The following SH3KBP1 variants were observed in gnomAD, a reference collection of about 807,000 sequenced individuals.
The protein encoded by SH3KBP1 is SH3 domain containing kinase binding protein 1, also known as SH3 domain-containing kinase-binding protein 1.
SH3KBP1 carries 8 observed loss-of-function variants against 50.1 expected under a neutral mutation model. The ratio of observed to expected loss-of-function variants is 0.16; its 90% confidence interval spans 0.09 to 0.29. The LOEUF (loss-of-function observed/expected upper bound fraction) is 0.29. Among genes scored for constraint, SH3KBP1 ranks in the 10% least tolerant of loss-of-function variants. The pLI is 1.00. For missense variants in SH3KBP1, 377 were observed against 535.2 expected, an observed-to-expected ratio of 0.70 and a Z score of 2.92; for synonymous variants, 227 against 218.6, an observed-to-expected ratio of 1.04 and a Z score of -0.34.
At chrX:19,624,731 TGAG>T (rs1393245107) in intron 8 of SH3KBP1, among the ~76,000 whole-genome samples, 1 of 112,334 alleles carries the variant, frequency 8.9e-6, no homozygotes, top group Non-Finnish European at 1.9e-5. Flanking sequence ...TTAAATGCTC[TGAG>T]GAGGAGATAT....
At chrX:19,872,787 A>G (rs2069092741) in intron 1 of SH3KBP1, among the ~76,000 whole-genome samples, 1 of 106,814 alleles carries the variant, frequency 9.4e-6, no homozygotes, top group African/African-American at 3.5e-5. Context: ...AAAAAGAAGT[A>G]TCAGTTGATC....
intron 6 of SH3KBP1, among the ~76,000 whole-genome samples, chrX:19,659,368 G>T (rs2062393183): frequency 9.1e-6 from 1 of 110,005 alleles, no homozygotes; most frequent in African/African-American, 3.3e-5. Flanking sequence ...GCCCGCCTTG[G>T]TCTCCCAAAG....
At chrX:19,620,354 C>T (rs1213546387) in intron 8 of SH3KBP1, among the ~76,000 whole-genome samples, 2 of 111,915 alleles carry the variant, frequency 1.8e-5, no homozygotes, top group Non-Finnish European at 1.9e-5. Flanking sequence ...CCAGCTGCAG[C>T]GACTATTAGT....
chrX:19,629,689 G>C (rs1033705179), intron 8 of SH3KBP1, among the ~76,000 whole-genome samples: 1 of 112,238 alleles, frequency 8.9e-6, no homozygotes, highest in Non-Finnish European at 1.9e-5. Context: ...GTGTCAAAAT[G>C]GTGATATGAG....
At chrX:19,599,971 T>C (rs1036799388) in intron 9 of SH3KBP1, among the ~76,000 whole-genome samples, 4 of 108,369 alleles carry the variant, frequency 3.7e-5, no homozygotes, top group African/African-American at 1.4e-4. Context: ...CCGTCTCTAC[T>C]AAAAATACAA....
At chrX:19,876,979 G>A (rs2069274380) in intron 1 of SH3KBP1, among the ~76,000 whole-genome samples, 2 of 110,735 alleles carry the variant, frequency 1.8e-5, no homozygotes, top group Admixed American at 9.6e-5. Context: ...CCCTCCGCAA[G>A]CCAATTACTT....
At chrX:19,591,527 C>T (rs772763715) in intron 11 of SH3KBP1, among the ~76,000 whole-genome samples, 1 of 111,790 alleles carries the variant, frequency 8.9e-6, no homozygotes, top group African/African-American at 3.3e-5. Flanking sequence ...CCCAGTATTA[C>T]CATGCCACCC....
At chrX:19,577,997 C>T (rs1042023066) in intron 12 of SH3KBP1, among the ~76,000 whole-genome samples, 1 of 111,438 alleles carries the variant, frequency 9.0e-6, no homozygotes, top group African/African-American at 3.3e-5. Flanking sequence ...AATAGAAACG[C>T]CCCATTGCCT....
intron 2 of SH3KBP1, among the ~76,000 whole-genome samples, chrX:19,779,292 C>T (rs1804669975): frequency 1.0e-5 from 1 of 99,973 alleles, no homozygotes; most frequent in African/African-American, 3.7e-5. Context: ...CAGCAAGACC[C>T]TGTCTCAAAA....
chrX:19,541,885 C>G (rs755991066), intron 16 of SH3KBP1, 40 bp downstream of exon 16: 1 of 1,178,272 alleles, frequency 8.5e-7, no homozygotes, highest in Non-Finnish European at 1.1e-6. Flanking sequence ...TGGCAGAGAG[C>G]AACCTGGGTG....
chrX:19,604,121 A>G (rs1425366694), intron 9 of SH3KBP1, among the ~76,000 whole-genome samples: 1 of 111,955 alleles, frequency 8.9e-6, no homozygotes, highest in Non-Finnish European at 1.9e-5. Context: ...GACACAGCAC[A>G]CACACTGCTT....
At chrX:19,849,910 T>C (rs992865511) in intron 1 of SH3KBP1, among the ~76,000 whole-genome samples, 1 of 111,605 alleles carries the variant, frequency 9.0e-6, no homozygotes, top group African/African-American at 3.3e-5. Flanking sequence ...ACAAAATATA[T>C]GCTGAAACAC....
At chrX:19,547,902 C>T (rs1411707772) in intron 14 of SH3KBP1, among the ~76,000 whole-genome samples, 2 of 112,696 alleles carry the variant, frequency 1.8e-5, no homozygotes, top group African/African-American at 6.4e-5. Context: ...TCAATGTACA[C>T]ATCCAAGTAG....
At chrX:19,648,262 CAGAA>C (rs1174021848) in intron 6 of SH3KBP1, among the ~76,000 whole-genome samples, 4 of 99,363 alleles carry the variant, frequency 4.0e-5, no homozygotes, top group African/African-American at 1.5e-4. Flanking sequence ...AGGAGGAGGA[CAGAA>C]AGAAAGAGAA....
chrX:19,866,254 A>G (rs1344390107), intron 1 of SH3KBP1, among the ~76,000 whole-genome samples: 4 of 111,737 alleles, frequency 3.6e-5, no homozygotes, highest in African/African-American at 1.3e-4. Context: ...AAGGAAGATA[A>G]AGGAGAAGAT....
intron 3 of SH3KBP1, among the ~76,000 whole-genome samples, chrX:19,709,349 G>A (rs929239265): frequency 9.0e-6 from 1 of 111,517 alleles, no homozygotes; most frequent in Non-Finnish European, 1.9e-5. Context: ...ACAATCATTC[G>A]CCCTCGCACT....
At chrX:19,649,606 C>T (rs908455067) in intron 6 of SH3KBP1, among the ~76,000 whole-genome samples, 1 of 111,873 alleles carries the variant, frequency 8.9e-6, no homozygotes. Context: ...TTCCTTTGAA[C>T]ATTTAATAAT....
intron 3 of SH3KBP1, among the ~76,000 whole-genome samples, chrX:19,721,231 G>T (rs1388483483): frequency 1.8e-5 from 2 of 111,017 alleles, no homozygotes; most frequent in African/African-American, 6.6e-5. Flanking sequence ...CTTAACTGGG[G>T]TGTGTGGATA....
intron 2 of SH3KBP1, among the ~76,000 whole-genome samples, chrX:19,827,910 C>G (rs1021604542): frequency 2.2e-4 from 22 of 100,986 alleles, no homozygotes; most frequent in Admixed American, 8.0e-4. Context: ...AACAAACAAA[C>G]AAACAAACAA....
Sources: allele counts gnomAD v4.1 joint callset (sites outside exome capture counted in the v4.1 genomes callset), GRCh38; gene constraint gnomAD v4.1.1; transcripts MANE v1.5; gene names NCBI Gene and HGNC (gene_info 2026-07-23, HGNC 2026-07-21).